The following DNAJC7 variants were observed in gnomAD, a reference collection of about 807,000 sequenced individuals.
DNAJC7 encodes the protein dnaJ homolog subfamily C member 7.
DNAJC7 carries 18 observed loss-of-function variants against 67.4 expected under a neutral mutation model. The ratio of observed to expected loss-of-function variants is 0.27; its 90% CI spans 0.18 to 0.40. The LOEUF (loss-of-function observed/expected upper bound fraction) is 0.40. Ranked by LOEUF, DNAJC7 falls within the 10% of genes least tolerant of loss-of-function variation. The pLI, the probability that DNAJC7 is intolerant of heterozygous loss-of-function variation, is 1.00. For synonymous variants in DNAJC7, 220 were observed against 207.8 expected (o/e 1.06, Z -0.50); for missense variants, 419 against 613.8 (o/e 0.68, Z 3.35).
chr17:42,007,057 G>A (rs769460282), intron 1 of DNAJC7, among the ~76,000 whole-genome samples: 9 of 135,476 alleles, frequency 6.6e-5, no homozygotes, highest in African/African-American at 1.4e-4. Context: ...AGCTGACATC[G>A]CGCCACTGCA....
intron 2 of DNAJC7, among the ~76,000 whole-genome samples, chr17:41,999,364 C>T (rs879997371): frequency 1.3e-5 from 2 of 152,004 alleles, no homozygotes; most frequent in Non-Finnish European, 2.9e-5. Context: ...TCAGGTGATC[C>T]GCCCGCCTCG....
intron 5 of DNAJC7, 108 bp from the exon 6 acceptor site, chr17:41,990,490 G>T: frequency 1.1e-6 from 1 of 875,906 alleles, no homozygotes; most frequent in Non-Finnish European, 1.8e-6. Flanking sequence ...AGGTCTTTGG[G>T]TCCACTTCTA....
At chr17:42,013,447 G>A (rs144183548) in intron 1 of DNAJC7, 8 of 152,322 alleles carry the variant, frequency 5.3e-5, no homozygotes, top group African/African-American at 1.9e-4. Context: ...AGCAGCAGCA[G>A]GACATGTCTT....
chr17:41,994,261 G>A (rs1475718616), intron 5 of DNAJC7, among the ~76,000 whole-genome samples: 7 of 151,990 alleles, frequency 4.6e-5, no homozygotes, highest in African/African-American at 9.7e-5. Flanking sequence ...GCTTGAACCC[G>A]GGAGGCAGAG....
At chr17:41,977,211 G>A in intron 13 of DNAJC7, 50 bp downstream of exon 13, 2 of 1,540,248 alleles carry the variant, frequency 1.3e-6, no homozygotes, top group Non-Finnish European at 8.8e-7. Context: ...GAGGCAATGA[G>A]TGTGTTGGCT....
At chr17:42,013,144 C>A (rs1022540662) in intron 1 of DNAJC7, 1 of 152,150 alleles carries the variant, frequency 6.6e-6, no homozygotes, top group Admixed American at 6.5e-5. Flanking sequence ...CACTATGTTG[C>A]CCAGGCTGGT....
chr17:41,994,284 C>T (rs1250605641), intron 5 of DNAJC7, among the ~76,000 whole-genome samples: 4 of 151,684 alleles, frequency 2.6e-5, no homozygotes, highest in Middle Eastern at 3.2e-3. Flanking sequence ...TGCAGTGAGC[C>T]GAGATTATGC....
At chr17:41,979,457 C>T (rs1394420593) in intron 12 of DNAJC7, among the ~76,000 whole-genome samples, 5 of 146,306 alleles carry the variant, frequency 3.4e-5, no homozygotes, top group Non-Finnish European at 7.5e-5. Context: ...AGATCACTTG[C>T]GGTCAGGAGT....
At chr17:41,985,228 G>A (rs1555646589) in intron 9 of DNAJC7, 1 of 152,014 alleles carries the variant, frequency 6.6e-6, no homozygotes, top group African/African-American at 2.4e-5. Context: ...CCAACATCTT[G>A]GGCATCTTTG....
intron 10 of DNAJC7, among the ~76,000 whole-genome samples, chr17:41,982,929 C>A (rs1262521033): frequency 6.6e-6 from 1 of 150,942 alleles, no homozygotes; most frequent in Non-Finnish European, 1.5e-5. Context: ...CATTGCACTC[C>A]AGCCTGGGTG....
At chr17:42,008,372 G>T (rs1210045989) in intron 1 of DNAJC7, among the ~76,000 whole-genome samples, 2 of 151,278 alleles carry the variant, frequency 1.3e-5, no homozygotes, top group Non-Finnish European at 2.9e-5. Flanking sequence ...GTTTCACATA[G>T]ATAAGTGGAA....
At chr17:42,005,541 C>A (rs781815694) in intron 1 of DNAJC7, among the ~76,000 whole-genome samples, 2 of 152,176 alleles carry the variant, frequency 1.3e-5, no homozygotes, top group Non-Finnish European at 2.9e-5. Context: ...TGGCTGGGTT[C>A]TCTCTGGAAT....
At chr17:41,990,210 C>A in intron 6 of DNAJC7, 54 bp downstream of exon 6, 1 of 1,505,766 alleles carries the variant, frequency 6.6e-7, no homozygotes, top group Non-Finnish European at 9.1e-7. Context: ...CTGCCGGACA[C>A]CATCAGTCCA....
chr17:42,003,777 AAACT>A (rs1214933741), intron 1 of DNAJC7, among the ~76,000 whole-genome samples: 1 of 152,128 alleles, frequency 6.6e-6, no homozygotes, highest in Non-Finnish European at 1.5e-5. Context: ...GCACTAAATT[AAACT>A]ACAGATTATT....
At chr17:42,011,105 A>G (rs913080305) in intron 1 of DNAJC7, 4 of 152,224 alleles carry the variant, frequency 2.6e-5, no homozygotes, top group African/African-American at 9.6e-5. Context: ...AAAGGGGACC[A>G]AAGACTAGTG....
intron 13 of DNAJC7, chr17:41,977,050 A>G: frequency 6.2e-6 from 4 of 649,946 alleles, no homozygotes; most frequent in Non-Finnish European, 1.1e-5. Flanking sequence ...GACCCTGCAG[A>G]GATGCGGTGG....
At position 41,977,332 on chromosome 17, in the gene DNAJC7, C is replaced by G. The variant is rs2051114660; in HGVS notation, c.1385-9G>C. ...ATTGTTTGGATCAAAATCTGTAGAG[C>G]AGGGCAAGTAACATGGAAGGGAAGA... On this transcript the variant is annotated splice_polypyrimidine_tract_variant and intron_variant, in intron 12 of 13. Coordinates refer to ENST00000457167, the MANE Select transcript of DNAJC7 (RefSeq NM_003315.4). 6.3e-7 allele frequency: 1 copy of G among 1,574,820 alleles called. No individual in the cohort carries two copies. The highest frequency in any genetic ancestry group is 1.4e-5 in the African/African-American group (1 of 74,034).
chr17:41,997,565 C>A (rs1304030716), intron 2 of DNAJC7, among the ~76,000 whole-genome samples: 1 of 152,168 alleles, frequency 6.6e-6, no homozygotes, highest in Non-Finnish European at 1.5e-5. Flanking sequence ...TCACTGCACT[C>A]CAGCCTGGGC....
intron 1 of DNAJC7, 146 bp downstream of exon 1, chr17:42,017,194 C>T: frequency 6.4e-7 from 1 of 1,574,382 alleles, no homozygotes; most frequent in South Asian, 1.1e-5. Flanking sequence ...TTCAGGGGGT[C>T]CATCCGGCCT....
Sources: gnomAD v4.1 joint callset for allele counts (sites outside exome capture counted in the v4.1 genomes callset) on GRCh38, gnomAD v4.1.1 for gene constraint, MANE v1.5 for transcripts, NCBI Gene and HGNC (gene_info 2026-07-23, HGNC 2026-07-21) for gene names.